Variants in SMCHD1 observed in about 807,000 individuals in gnomAD.
SMCHD1 encodes the protein structural maintenance of chromosomes flexible hinge domain containing 1.
SMCHD1 carries 78 observed loss-of-function variants against 254.7 expected under a neutral mutation model. The observed-to-expected ratio is 0.31, with a 90% CI of 0.26 to 0.37. The LOEUF is 0.37. Among genes scored for constraint, SMCHD1 ranks in the 10% least tolerant of loss-of-function variants. The pLI is 1.00. For missense variants in SMCHD1, 1,840 were observed against 2,408.1 expected (o/e 0.76, Z 4.94); for synonymous variants, 766 against 794.9 (o/e 0.96, Z 0.61).
chr18:2,783,719 C>T (rs560358283), intron 44 of SMCHD1, among the ~76,000 whole-genome samples: 4 of 152,026 alleles, frequency 2.6e-5, no homozygotes, highest in Admixed American at 6.5e-5. Flanking sequence ...ATTACAGGCA[C>T]GTGCCACCAT....
At position 2,762,159 on chromosome 18, in the gene SMCHD1, C is replaced by A; in HGVS notation, c.4489C>A (p.Pro1497Thr). Reference sequence around the variant, plus strand: ...TGTGAAGTTAGTACCTAAAATTAAACCACCTACACCAGCTGTTTCAAATGT... The same window carrying A: ...TGTGAAGTTAGTACCTAAAATTAAAACACCTACACCAGCTGTTTCAAATGT... ...QPVKLVPKIK[P>T]PTPAVSNVRS... is the part of the protein sequence containing the mutation. Residue 1497 changes from proline to threonine, a missense_variant, in exon 36 of 48, where the codon CCA becomes ACA. Transcript: ENST00000320876. The A allele has an allele frequency of 6.2e-7, 1 of 1,613,546 alleles. No homozygotes were observed. Among genetic ancestry groups the A allele is most frequent in the Non-Finnish European group, 8.5e-7 (1 of 1,179,574 alleles).
chr18:2,784,711 A>C (rs2076211167), intron 45 of SMCHD1, 90 bp downstream of exon 45: 1 of 1,337,816 alleles, frequency 7.5e-7, no homozygotes, highest in East Asian at 2.5e-5. Context: ...CTAACATGAA[A>C]AATTAACAAA....
chr18:2,720,274 A>G (rs1048000815), intron 19 of SMCHD1, among the ~76,000 whole-genome samples: 34 of 151,884 alleles, frequency 2.2e-4, no homozygotes, highest in African/African-American at 8.0e-4. Flanking sequence ...TATGCTTTCT[A>G]TTTTTTCCTT....
intron 37 of SMCHD1, 97 bp from the exon 38 acceptor site, chr18:2,769,597 C>T: frequency 7.4e-7 from 1 of 1,343,322 alleles, no homozygotes; most frequent in Non-Finnish European, 1.0e-6. Flanking sequence ...AAATTAACCA[C>T]TTACTTGAAA....
rs1371894096 is a variant in SMCHD1, at chr18:2,769,784, T to G, written c.4810T>G (p.Leu1604Val). The G allele has an allele frequency of 1.2e-6, 2 of 1,605,206 alleles. No homozygotes were observed. The highest frequency in any genetic ancestry group is 1.7e-6 in the Non-Finnish European group (2 of 1,174,820). Residue 1604 changes from leucine to valine, a missense_variant, in exon 38 of 48, where the codon TTA becomes GTA. This residue lies in a region of SMCHD1 where 881 missense variants were observed against 1,009.5 expected (regional missense o/e 0.87). Coordinates refer to ENST00000320876, the MANE Select transcript of SMCHD1 (RefSeq NM_015295.3). Reference protein sequence around the residue: ...EPRLPLLSRTLEPYILPFMFY... With the variant: ...EPRLPLLSRTVEPYILPFMFY... ...CCGGCTACCACTTTTATCAAGAACC[T>G]TAGAACCATATATCCTACCGTTCAT...
rs1157558094 is a variant in SMCHD1, at chr18:2,762,105, G to A, written c.4435G>A (p.Val1479Ile). ...CAGAATGTCTCTTTTGTTTTGTAAG[G>A]TTATAGTTGAAGTCCTGCCTAATCA... ...DKTNILNSEQVIVEVLPNQPV... is the reference protein window; with the variant it reads ...DKTNILNSEQIIVEVLPNQPV... Residue 1479 changes from valine to isoleucine, a missense_variant and splice_region_variant, in exon 36 of 48, where the codon GTT (valine) becomes ATT (isoleucine). By Grantham distance (29) the Val-to-Ile change is conservative (BLOSUM62 3). Coordinates refer to ENST00000320876, the MANE Select transcript of SMCHD1 (RefSeq NM_015295.3). 5 of 1,612,880 alleles carry A rather than the reference G, an allele frequency of 3.1e-6. No individual in the cohort carries two copies. Among genetic ancestry groups the A allele is most frequent in the Non-Finnish European group, 4.2e-6 (5 of 1,179,210 alleles).
At chr18:2,767,716 AG>A (rs1476744795) in intron 37 of SMCHD1, among the ~76,000 whole-genome samples, 2 of 148,650 alleles carry the variant, frequency 1.3e-5, no homozygotes, top group African/African-American at 5.0e-5. Context: ...CAGCCTCCCG[AG>A]TAGCTGGGAC....
chr18:2,737,769 TA>T (rs1314370856), intron 25 of SMCHD1, among the ~76,000 whole-genome samples: 1 of 151,990 alleles, frequency 6.6e-6, no homozygotes, highest in African/African-American at 2.4e-5. Flanking sequence ...GAAGGCTAAA[TA>T]AAAGTAGAGA....
chr18:2,770,906 G>A (rs1306333949), intron 39 of SMCHD1, among the ~76,000 whole-genome samples: 1 of 152,130 alleles, frequency 6.6e-6, no homozygotes, highest in African/African-American at 2.4e-5. Flanking sequence ...ACAGGTGTTA[G>A]CCACCACACC....
chr18:2,757,034 T>C (rs1024397824), intron 34 of SMCHD1, among the ~76,000 whole-genome samples: 3 of 152,176 alleles, frequency 2.0e-5, no homozygotes, highest in African/African-American at 7.2e-5. Flanking sequence ...TGCATTTCAT[T>C]TGTTCTTTTA....
At chr18:2,766,280 G>T (rs866290006) in intron 37 of SMCHD1, among the ~76,000 whole-genome samples, 1 of 152,162 alleles carries the variant, frequency 6.6e-6, no homozygotes, top group African/African-American at 2.4e-5. Context: ...GGCGTGAGCC[G>T]CCGTGCCCGG....
At chr18:2,717,453 C>T (rs8095023) in intron 17 of SMCHD1, among the ~76,000 whole-genome samples, 1,528 of 152,260 alleles carry the variant, frequency 0.01, 21 homozygotes, top group African/African-American at 0.035. Flanking sequence ...CCTCCCATCT[C>T]ATCCTCTCAG....
intron 37 of SMCHD1, among the ~76,000 whole-genome samples, chr18:2,769,469 A>G (rs893745901): frequency 6.6e-6 from 1 of 152,194 alleles, no homozygotes; most frequent in Non-Finnish European, 1.5e-5. Flanking sequence ...GTTTATTGAT[A>G]CGATCATTTG....
At chr18:2,700,454 G>A in intron 10 of SMCHD1, 85 bp from the exon 11 acceptor site, 1 of 1,385,102 alleles carries the variant, frequency 7.2e-7, no homozygotes, top group Non-Finnish European at 9.7e-7. Context: ...TTTATAGAAT[G>A]CAATTTGAAA....
intron 44 of SMCHD1, among the ~76,000 whole-genome samples, chr18:2,781,499 C>T (rs952083943): frequency 2.6e-5 from 4 of 151,910 alleles, no homozygotes; most frequent in Non-Finnish European, 5.9e-5. Context: ...GAAATAATTT[C>T]CACATTGAAA....
intron 47 of SMCHD1, 69 bp from the exon 48 acceptor site, chr18:2,802,459 G>A: frequency 1.7e-6 from 2 of 1,200,456 alleles, no homozygotes; most frequent in South Asian, 1.4e-5. Context: ...GCATTCAGGT[G>A]TGATGAGGGA....
intron 1 of SMCHD1, among the ~76,000 whole-genome samples, chr18:2,665,647 A>C (rs539507861): frequency 6.6e-6 from 1 of 152,286 alleles, no homozygotes; most frequent in East Asian, 1.9e-4. Flanking sequence ...AATTTGCTTT[A>C]ATTTTTAAAG....
chr18:2,667,156 C>CT (rs1363253555), intron 3 of SMCHD1, 125 bp downstream of exon 3: 1 of 699,514 alleles, frequency 1.4e-6, no homozygotes, highest in Non-Finnish European at 2.3e-6. Flanking sequence ...CACTCATTTT[C>CT]TTTCTTACTC....
chr18:2,786,084 G>C (rs930869902), intron 45 of SMCHD1, among the ~76,000 whole-genome samples: 2 of 151,974 alleles, frequency 1.3e-5, no homozygotes, highest in South Asian at 4.1e-4. Flanking sequence ...CACAATCTCA[G>C]CTCACTGCAA....
Sources: allele counts gnomAD v4.1 joint callset (sites outside exome capture counted in the v4.1 genomes callset), GRCh38; gene constraint gnomAD v4.1.1; regional missense constraint gnomAD v4.1.1; transcripts MANE v1.5; gene names NCBI Gene and HGNC (gene_info 2026-07-23, HGNC 2026-07-21).